Variants in STK31 observed in about 807,000 individuals in gnomAD.
The protein encoded by STK31 is serine/threonine kinase 31, also known as serine/threonine-protein kinase 31.
STK31 carries 89 observed loss-of-function variants against 129.7 expected under a neutral mutation model. The observed-to-expected ratio is 0.69, with a 90% CI of 0.58 to 0.82. The LOEUF (loss-of-function observed/expected upper bound fraction) is 0.82. Among genes scored for constraint, STK31 ranks in the 40% least tolerant of loss-of-function variants. STK31 has a pLI of 0.00. For missense variants in STK31, 1,187 were observed against 1,176.4 expected, an observed-to-expected ratio of 1.01 and a Z score of -0.13; for synonymous variants, 448 against 395.3, an observed-to-expected ratio of 1.13 and a Z score of -1.58.
chr7:23,746,641 G>A (rs1208534880), intron 8 of STK31, among the ~76,000 whole-genome samples: 1 of 152,106 alleles, frequency 6.6e-6, no homozygotes, highest in African/African-American at 2.4e-5. Context: ...GTAATCTAGA[G>A]AAGGGAAAAT....
chr7:23,815,423 A>G (rs946044653), intron 23 of STK31, among the ~76,000 whole-genome samples: 22 of 152,182 alleles, frequency 1.4e-4, no homozygotes, highest in African/African-American at 5.1e-4. Flanking sequence ...CACAGATTAT[A>G]TAAATAATCT....
rs878998175 is a variant in STK31, at chr7:23,762,727, CT to C, written c.1294-67del. On this transcript the variant is annotated intron_variant, in intron 10 of 23. Coordinates refer to ENST00000355870, the MANE Select transcript of STK31 (RefSeq NM_031414.5). Reference sequence around the variant, plus strand: ...AATATAAAGTTAATTTTGGAGATCACTTTTTTTCATATAGGTCATATGCGGA... The same window carrying C: ...AATATAAAGTTAATTTTGGAGATCACTTTTTTCATATAGGTCATATGCGGA... The C allele has an allele frequency of 4.1e-5, 64 of 1,546,038 alleles. No homozygotes were observed. In the South Asian group the frequency reaches 6.7e-4, roughly 16 times the overall value.
intron 8 of STK31, among the ~76,000 whole-genome samples, chr7:23,752,182 G>C (rs1788751397): frequency 6.6e-6 from 1 of 152,018 alleles, no homozygotes; most frequent in African/African-American, 2.4e-5. Context: ...ACCAAAAAAA[G>C]ATGATGAATG....
rs1554297249 is a variant in STK31, at chr7:23,808,943, T to TTGTGTGTGTGTG, written c.2761-6184_2761-6173dup. Among the ~76,000 whole-genome samples the TTGTGTGTGTGTG allele has an allele frequency of 6.6e-3, 557 of 84,534 alleles. 15 individuals carry two copies. Among genetic ancestry groups the TTGTGTGTGTGTG allele is most frequent in the African/African-American group, 0.019 (538 of 28,314 alleles). The allele number at this position is 84,534 out of a possible 152,430, so 55.5% of individuals were successfully genotyped here. On this transcript the variant is annotated intron_variant, in intron 22 of 23. Coordinates refer to ENST00000355870, the MANE Select transcript of STK31 (RefSeq NM_031414.5). ...AGGAAGCAGGCTTTTCTTGGAGCTT[T>TTGTGTGTGTGTG]TGTGTGTGTGTGTGTGTGTGTGTGT...
intron 8 of STK31, among the ~76,000 whole-genome samples, chr7:23,751,342 C>T (rs148135372): frequency 9.9e-5 from 15 of 152,134 alleles, no homozygotes; most frequent in African/African-American, 3.4e-4. Context: ...ATGTTAATTC[C>T]TTTCTTTTGG....
At chr7:23,750,356 G>A (rs2128091320) in intron 8 of STK31, among the ~76,000 whole-genome samples, 2 of 152,156 alleles carry the variant, frequency 1.3e-5, no homozygotes, top group East Asian at 3.9e-4. Context: ...TTAATTTTAG[G>A]AGTAGCAGTT....
intron 6 of STK31, among the ~76,000 whole-genome samples, chr7:23,731,778 A>T (rs1201810443): frequency 6.6e-6 from 1 of 152,168 alleles, no homozygotes; most frequent in African/African-American, 2.4e-5. Flanking sequence ...AGGGTAAGGG[A>T]ATGAGAGCTA....
At chr7:23,777,935 G>A (rs894291946) in intron 15 of STK31, among the ~76,000 whole-genome samples, 1 of 151,980 alleles carries the variant, frequency 6.6e-6, no homozygotes, top group Non-Finnish European at 1.5e-5. Context: ...TAGTGTCGAC[G>A]GTCTTTACAA....
At chr7:23,760,926 A>G (rs1191302846) in intron 10 of STK31, among the ~76,000 whole-genome samples, 1 of 152,142 alleles carries the variant, frequency 6.6e-6, no homozygotes, top group Non-Finnish European at 1.5e-5. Flanking sequence ...TTGGCCTCCC[A>G]AAGTCCTGGG....
chr7:23,832,189 G>T lies in STK31; in HGVS notation c.2883G>T (p.Met961Ile). The change falls in exon 24 of 24, where the codon ATG becomes ATT. Residue 961 changes from methionine (M) to isoleucine (I), a missense_variant. Met to Ile is a conservative substitution (Grantham distance 10, BLOSUM62 1). Coordinates refer to ENST00000355870, the MANE Select transcript of STK31 (RefSeq NM_031414.5). ...GCTTGATATGTTATAGAAGTTCAAT[G>T]ACTGCTGAACAAGTTTTAAATGCTG... Reference protein sequence around the residue: ...LCSLICYRSSMTAEQVLNAEC... With the variant: ...LCSLICYRSSITAEQVLNAEC... The T allele has an allele frequency of 6.2e-7, 1 of 1,614,102 alleles. No homozygotes were observed. The highest frequency in any genetic ancestry group is 1.1e-5 in the South Asian group (1 of 91,068).
In STK31 at chr7:23,754,436, A is replaced by G; in HGVS notation, c.1255A>G (p.Ser419Gly). ...NGLEIIWAEYSLAQENIKTCE... is the reference protein window; with the variant it reads ...NGLEIIWAEYGLAQENIKTCE... ...ATTAGAGATAATATGGGCAGAATACAGTCTGGCTCAGGAGAATATTAAAAC... is the reference window on the plus strand; with the variant it reads ...ATTAGAGATAATATGGGCAGAATACGGTCTGGCTCAGGAGAATATTAAAAC... The change falls in exon 10 of 24, where the codon AGT becomes GGT. Residue 419 changes from serine (S) to glycine (G), a missense_variant. By Grantham distance (56) the Ser-to-Gly change is moderately conservative. This residue lies in a region of STK31 where 975 missense variants were observed against 934.9 expected (regional missense o/e 1.04). Transcript: ENST00000355870. 6.2e-7 allele frequency: 1 copy of G among 1,613,506 alleles called. No individual in the cohort carries two copies. The highest frequency in any genetic ancestry group is 1.6e-4 in the Middle Eastern group (1 of 6,062).
intron 17 of STK31, 108 bp from the exon 18 acceptor site, chr7:23,785,370 C>T (rs1791204868): frequency 6.9e-7 from 1 of 1,439,420 alleles, no homozygotes; most frequent in Non-Finnish European, 9.4e-7. Context: ...TTTTCCAGTA[C>T]AGTTGATGGT....
At chr7:23,759,159 A>G (rs1789293471) in intron 10 of STK31, among the ~76,000 whole-genome samples, 1 of 152,224 alleles carries the variant, frequency 6.6e-6, no homozygotes, top group Admixed American at 6.5e-5. Flanking sequence ...CTACAAAGAG[A>G]CTTAGATTCC....
At position 23,712,130 on chromosome 7, in the gene STK31, A is replaced by G. The variant is rs777503275; in HGVS notation, c.82A>G (p.Thr28Ala). The change falls in exon 2 of 24, where the codon ACA becomes GCA. Residue 28 changes from threonine (T) to alanine (A), a missense_variant. Transcript: ENST00000355870. Reference protein sequence around the residue: ...FSGIVQMDEDTHYDKVEDVVG... With the variant: ...FSGIVQMDEDAHYDKVEDVVG... The stretch of plus-strand genomic sequence containing the variant: ...AGGAATTGTTCAAATGGATGAAGAT[A>G]CACATTACGATAAAGGTACTGACAC... 1.9e-6 allele frequency: 3 copies of G among 1,612,220 alleles called. No individual in the cohort carries two copies. The highest frequency in any genetic ancestry group is 2.5e-6 in the Non-Finnish European group (3 of 1,178,430).
intron 8 of STK31, among the ~76,000 whole-genome samples, chr7:23,751,917 C>T (rs1463798062): frequency 1.4e-5 from 2 of 143,338 alleles, no homozygotes; most frequent in African/African-American, 5.3e-5. Context: ...GTTCCTAGAG[C>T]AGTCAAATCT....
chr7:23,724,019 G>T (rs1243894359), intron 4 of STK31, among the ~76,000 whole-genome samples: 1 of 152,148 alleles, frequency 6.6e-6, no homozygotes, highest in Non-Finnish European at 1.5e-5. Flanking sequence ...GAACTCAAAT[G>T]CAGTAATTCT....
At chr7:23,726,635 GAAAAT>G (rs1349360510) in intron 4 of STK31, among the ~76,000 whole-genome samples, 9 of 149,570 alleles carry the variant, frequency 6.0e-5, no homozygotes, top group Non-Finnish European at 1.3e-4. Flanking sequence ...AAAAAGAAAA[GAAAAT>G]GATTGAAAGT....
intron 8 of STK31, among the ~76,000 whole-genome samples, chr7:23,746,367 C>T (rs1402242563): frequency 2.0e-5 from 3 of 152,152 alleles, no homozygotes; most frequent in Admixed American, 1.3e-4. Flanking sequence ...CCTGTCCAGG[C>T]TCCCAGCCAA....
intron 10 of STK31, among the ~76,000 whole-genome samples, chr7:23,755,347 C>CT (rs1279358540): frequency 6.6e-6 from 1 of 151,544 alleles, no homozygotes; most frequent in African/African-American, 2.4e-5. Flanking sequence ...ATGGGGTTGT[C>CT]TTTTTCCTGT....
Sources: gnomAD v4.1 joint callset for allele counts (sites outside exome capture counted in the v4.1 genomes callset) on GRCh38, gnomAD v4.1.1 for gene constraint, gnomAD v4.1.1 regional missense constraint, MANE v1.5 for transcripts, NCBI Gene and HGNC (gene_info 2026-07-23, HGNC 2026-07-21) for gene names.